The following ANKRD7 variants were observed in gnomAD, a reference collection of about 807,000 sequenced individuals.
ANKRD7 encodes ankyrin repeat domain 7.
In ANKRD7, 30 loss-of-function variants were observed where a neutral mutation model predicts 30.8. That is an observed-to-expected ratio of 0.97 (90% CI 0.73 to 1.32). The LOEUF (loss-of-function observed/expected upper bound fraction) is 1.32. ANKRD7 is among the 40% of genes most tolerant of loss of function. The pLI is 0.00. For missense variants in ANKRD7, 264 were observed against 295.7 expected (o/e 0.89, Z 0.79); for synonymous variants, 97 against 106.6 (o/e 0.91, Z 0.55).
intron 6 of ANKRD7, among the ~76,000 whole-genome samples, chr7:118,241,160 CAAA>C (rs60703234): frequency 4.6e-5 from 1 of 21,848 alleles, no homozygotes; most frequent in South Asian, 1.5e-3. Context: ...GACTCCGTCT[CAAA>C]AAAAAAAAAA....
chr7:118,227,727 A>G (rs561182922), intron 1 of ANKRD7, among the ~76,000 whole-genome samples: 2 of 152,300 alleles, frequency 1.3e-5, no homozygotes, highest in South Asian at 2.1e-4. Context: ...ATTAAGAAAC[A>G]AAGTTAGGTG....
At chr7:118,236,207 C>CGTGTGTGTGT (rs370465561) in intron 4 of ANKRD7, 60 bp downstream of exon 4, 23,798 of 593,618 alleles carry the variant, frequency 0.04, 1,071 homozygotes, top group African/African-American at 0.16. Context: ...TGTGTGTGTG[C>CGTGTGTGTGT]GTATGTGTGT....
At chr7:118,234,577 T>A (rs769470849) in intron 2 of ANKRD7, 32 bp downstream of exon 2, 2 of 1,572,616 alleles carry the variant, frequency 1.3e-6, no homozygotes, top group Non-Finnish European at 1.7e-6. Flanking sequence ...TCAATTGGAA[T>A]GTGTTTGAGT....
At chr7:118,229,446 T>C (rs1168447160) in intron 1 of ANKRD7, among the ~76,000 whole-genome samples, 1 of 152,168 alleles carries the variant, frequency 6.6e-6, no homozygotes, top group Non-Finnish European at 1.5e-5. Context: ...ATGTTTTGTT[T>C]GCTGATATAT....
intron 1 of ANKRD7, among the ~76,000 whole-genome samples, chr7:118,230,381 A>C (rs1287460586): frequency 6.6e-6 from 1 of 151,968 alleles, no homozygotes; most frequent in East Asian, 1.9e-4. Context: ...GAAGCACAGC[A>C]TTATGCAAGA....
chr7:118,240,059 G>A, intron 6 of ANKRD7, 61 bp downstream of exon 6: 1 of 986,082 alleles, frequency 1.0e-6, no homozygotes, highest in Non-Finnish European at 1.4e-6. Flanking sequence ...TAATTTTTTA[G>A]GAAAGGAAAC....
chr7:118,224,902 G>A lies in ANKRD7; in HGVS notation c.72G>A (p.Lys24=), dbSNP rs760199258. 8 of 1,614,020 alleles carry A rather than the reference G, an allele frequency of 5.0e-6. No homozygotes were observed. The African/African-American group carries it at 9.3e-5, about 19-fold the overall frequency. ...GCCAGGGCTACAACCTTCGAGAAAAGGATTTAAAGAAACTTCACAGAGCTG... is the reference window on the plus strand; with the variant it reads ...GCCAGGGCTACAACCTTCGAGAAAAAGATTTAAAGAAACTTCACAGAGCTG... ...TRSQGYNLRE[K]DLKKLHRAAS... The change falls in exon 1 of 7, where the codon AAG becomes AAA. Residue 24 remains lysine (K), a synonymous_variant. Coordinates refer to ENST00000265224, the MANE Select transcript of ANKRD7 (RefSeq NM_019644.4).
rs1348212501 is a variant in ANKRD7 at position 118,236,917 on chromosome 7, G to T, written c.703G>T (p.Val235Phe). 1.2e-6 allele frequency: 2 copies of T among 1,613,730 alleles called. No individual in the cohort carries two copies. Among genetic ancestry groups the T allele is most frequent in the South Asian group, 1.1e-5 (1 of 91,026 alleles). ...GCTGAGGAATATGTTTATTTCCATG[G>T]TTTTACTGCGTAAGTGATACTGCAT... ...SQLRNMFISMVLLHRYPQFTA... is the reference protein window; with the variant it reads ...SQLRNMFISMFLLHRYPQFTA... Residue 235 changes from valine to phenylalanine, a missense_variant, in exon 5 of 7, where the codon GTT becomes TTT. Transcript: ENST00000265224.
In ANKRD7 at chr7:118,224,827, C is replaced by T. The variant is rs369714864; in HGVS notation, c.-4C>T. The T allele has an allele frequency of 2.5e-6, 4 of 1,610,232 alleles. No homozygotes were observed. The highest frequency in any genetic ancestry group is 3.4e-6 in the Non-Finnish European group (4 of 1,178,812). On this transcript the variant is annotated 5_prime_UTR_variant, in exon 1 of 7. Coordinates refer to ENST00000265224, the MANE Select transcript of ANKRD7 (RefSeq NM_019644.4). ...CTGAGGGAAAGGCTGCAGCCTGCAC[C>T]GCCATGAATAAGCTTTTCAGCTTCT...
chr7:118,240,052 T>G lies in ANKRD7; in HGVS notation c.*37+54T>G, dbSNP rs1809800702. ...TTTCTTGTTGCTTTTTATTTGTTAA[T>G]TTTTTAGGAAAGGAAACAACTTTCT... On this transcript the variant is annotated intron_variant, in intron 6 of 6. Transcript: ENST00000265224. The G allele has an allele frequency of 4.6e-6, 5 of 1,094,488 alleles. No homozygotes were observed. The South Asian group carries it at 1.4e-4, about 31-fold the overall frequency. The allele number at this position is 1,094,488 out of a possible 1,614,324, so 67.8% of individuals were successfully genotyped here. A position where few individuals can be genotyped will look rare whatever the true frequency, so the allele number is the denominator to read the frequency against.
intron 1 of ANKRD7, among the ~76,000 whole-genome samples, chr7:118,227,375 CTCTT>C (rs1169119970): frequency 6.6e-6 from 1 of 152,142 alleles, no homozygotes; most frequent in East Asian, 1.9e-4. Context: ...GGTAGTGGGT[CTCTT>C]TCTTATCATA....
intron 3 of ANKRD7, 72 bp from the exon 4 acceptor site, chr7:118,235,969 A>G (rs954218938): frequency 1.3e-6 from 1 of 753,274 alleles, no homozygotes; most frequent in East Asian, 2.6e-5. Flanking sequence ...CACATATTTT[A>G]AGTTGAACTT....
intron 6 of ANKRD7, among the ~76,000 whole-genome samples, chr7:118,240,776 A>G (rs1335653539): frequency 6.6e-6 from 1 of 152,186 alleles, no homozygotes. Flanking sequence ...ATTATATAAA[A>G]TTTTAAAGAA....
chr7:118,226,220 C>T (rs1324683783), intron 1 of ANKRD7, among the ~76,000 whole-genome samples: 4 of 152,206 alleles, frequency 2.6e-5, no homozygotes, highest in Non-Finnish European at 5.9e-5. Context: ...TCTGTCTTGG[C>T]ATACTTGAGA....
chr7:118,234,656 C>A, intron 2 of ANKRD7, 45 bp from the exon 3 acceptor site: 2 of 1,567,798 alleles, frequency 1.3e-6, no homozygotes, highest in Non-Finnish European at 1.7e-6. Flanking sequence ...TTATCATATC[C>A]CAAGTAGTAA....
chr7:118,230,016 G>A (rs1048166927), intron 1 of ANKRD7, among the ~76,000 whole-genome samples: 6 of 151,888 alleles, frequency 4.0e-5, no homozygotes, highest in African/African-American at 1.5e-4. Flanking sequence ...ACTAGGCATC[G>A]AAGGAACGTA....
chr7:118,240,557 G>A (rs188437004), intron 6 of ANKRD7, among the ~76,000 whole-genome samples: 2 of 152,230 alleles, frequency 1.3e-5, no homozygotes, highest in East Asian at 3.9e-4. Flanking sequence ...TTCTGACACT[G>A]TGTTGGCTGA....
In ANKRD7 at chr7:118,234,691, G is replaced by A. The variant is rs2116013112; in HGVS notation, c.295-10G>A. On this transcript the variant is annotated splice_polypyrimidine_tract_variant and intron_variant, in intron 2 of 6. Transcript: ENST00000265224. ...AATTGGTTACTCATCTACTCTTGTT[G>A]CATTAACAGGCAGTACAGTGTCAAA... 6.3e-7 allele frequency: 1 copy of A among 1,598,718 alleles called. No homozygotes were observed. Among genetic ancestry groups the A allele is most frequent in the African/African-American group, 1.3e-5 (1 of 74,168 alleles).
intron 1 of ANKRD7, among the ~76,000 whole-genome samples, chr7:118,231,935 A>G (rs3757798): frequency 0.032 from 4,901 of 152,240 alleles, 133 homozygotes; most frequent in East Asian, 0.077. Context: ...AGAAGTAACA[A>G]TATAAACTAA....
Sources: allele counts gnomAD v4.1 joint callset (sites outside exome capture counted in the v4.1 genomes callset), GRCh38; gene constraint gnomAD v4.1.1; transcripts MANE v1.5; gene names NCBI Gene and HGNC (gene_info 2026-07-23, HGNC 2026-07-21).